The following FBXO25 variants were observed in gnomAD, a reference collection of about 807,000 sequenced individuals.
FBXO25 encodes the protein F-box protein 25.
In FBXO25, 45 loss-of-function variants were observed where a neutral mutation model predicts 51.9. The observed-to-expected ratio is 0.87, with a 90% CI of 0.68 to 1.11. The LOEUF (loss-of-function observed/expected upper bound fraction) is 1.11. Ranked by LOEUF, FBXO25 falls within the 50% of genes most tolerant of loss-of-function variation. The probability of loss-of-function intolerance (pLI) is 0.00; values close to 1 mark genes in which losing one functional copy is unlikely to be tolerated. For missense variants in FBXO25, 507 were observed against 428.5 expected, an observed-to-expected ratio of 1.18 and a Z score of -1.62; for synonymous variants, 199 against 151.0, an observed-to-expected ratio of 1.32 and a Z score of -2.33.
chr8:466,906 A>G (rs1170961835), intron 9 of FBXO25, among the ~76,000 whole-genome samples: 1 of 152,152 alleles, frequency 6.6e-6, no homozygotes, highest in Non-Finnish European at 1.5e-5. Flanking sequence ...ACAAAACCTC[A>G]GTTAAAAACT....
At chr8:467,926 A>G in intron 9 of FBXO25, 1 of 1,448,788 alleles carries the variant, frequency 6.9e-7, no homozygotes, top group South Asian at 1.4e-5. Context: ...AGCAAGGACG[A>G]GAGTGTTGAT....
intron 8 of FBXO25, among the ~76,000 whole-genome samples, chr8:459,940 C>G (rs1198554532): frequency 1.3e-5 from 2 of 152,086 alleles, no homozygotes; most frequent in Admixed American, 1.3e-4. Flanking sequence ...GGAAAACTCT[C>G]TCAAGTGGAC....
chr8:409,646 CA>C (rs60849509), intron 1 of FBXO25, among the ~76,000 whole-genome samples: 3,334 of 152,230 alleles, frequency 0.022, 70 homozygotes, highest in East Asian at 0.11. Flanking sequence ...TGTGTGTCAT[CA>C]AGTTTTAAAA....
intron 1 of FBXO25, 62 bp from the exon 2 acceptor site, chr8:413,005 ATGTTCT>A: frequency 8.8e-7 from 1 of 1,130,472 alleles, no homozygotes. Context: ...AAATTAATAA[ATGTTCT>A]AAGTGAAAAG....
intron 2 of FBXO25, among the ~76,000 whole-genome samples, chr8:416,272 C>T (rs1376290474): frequency 2.0e-5 from 3 of 152,196 alleles, no homozygotes; most frequent in East Asian, 1.9e-4. Context: ...CTCTGATGTT[C>T]GGCTCCCTAC....
intron 9 of FBXO25, 56 bp from the exon 10 acceptor site, chr8:468,659 A>G: frequency 2.9e-6 from 4 of 1,374,174 alleles, no homozygotes; most frequent in Non-Finnish European, 3.1e-6. Flanking sequence ...AAGCACCATC[A>G]CTAGAGTGTG....
intron 2 of FBXO25, among the ~76,000 whole-genome samples, chr8:417,989 C>A (rs938464568): frequency 6.6e-6 from 1 of 152,062 alleles, no homozygotes; most frequent in African/African-American, 2.4e-5. Flanking sequence ...AATTTTGTAC[C>A]AGTTTATACT....
At chr8:410,173 C>A (rs1270884032) in intron 1 of FBXO25, among the ~76,000 whole-genome samples, 3 of 152,170 alleles carry the variant, frequency 2.0e-5, no homozygotes, top group Non-Finnish European at 4.4e-5. Context: ...CCACAAGTTA[C>A]AAGATTGTGG....
At chr8:431,877 A>G (rs1797838809) in intron 3 of FBXO25, among the ~76,000 whole-genome samples, 2 of 152,200 alleles carry the variant, frequency 1.3e-5, no homozygotes, top group African/African-American at 2.4e-5. Context: ...ATAGAGCTCT[A>G]TCATGCAGCA....
intron 2 of FBXO25, among the ~76,000 whole-genome samples, chr8:417,060 G>C (rs560496494): frequency 6.6e-6 from 1 of 152,188 alleles, no homozygotes; most frequent in East Asian, 1.9e-4. Context: ...AAGTGCAAAG[G>C]CCTCAAGGCA....
chr8:410,161 TACC>T lies in FBXO25; in HGVS notation c.-7-2909_-7-2907del, dbSNP rs552854369. Among the ~76,000 whole-genome samples the T allele has an allele frequency of 1.2e-4, 19 of 152,314 alleles. 1 individual carries two copies. The South Asian group carries it at 3.5e-3, about 28-fold the overall frequency. On this transcript the variant is annotated intron_variant, in intron 1 of 9. Transcript: ENST00000350302. ...GCTCAAATTAACTTTATTCTCTCTT[TACC>T]ACAAGTTACAAGATTGTGGACATAT...
chr8:449,696 C>G (rs973735109), intron 5 of FBXO25, among the ~76,000 whole-genome samples: 9 of 152,202 alleles, frequency 5.9e-5, no homozygotes, highest in Non-Finnish European at 1.3e-4. Flanking sequence ...AGCTCCATTT[C>G]AGACTCTTGC....
intron 7 of FBXO25, among the ~76,000 whole-genome samples, chr8:454,684 G>C (rs561584739): frequency 6.6e-6 from 1 of 152,260 alleles, no homozygotes; most frequent in South Asian, 2.1e-4. Flanking sequence ...AAGGTCAAGA[G>C]ATAGAGACCA....
intron 4 of FBXO25, 28 bp from the exon 5 acceptor site, chr8:435,587 A>C: frequency 1.3e-6 from 2 of 1,593,196 alleles, no homozygotes; most frequent in Non-Finnish European, 1.7e-6. Flanking sequence ...CTAATTGACT[A>C]ATTTTAACTT....
chr8:422,394 G>T (rs1422337412), intron 2 of FBXO25, among the ~76,000 whole-genome samples: 1 of 152,230 alleles, frequency 6.6e-6, no homozygotes, highest in Non-Finnish European at 1.5e-5. Flanking sequence ...TCTTCAAGGT[G>T]ATGAGAGGAG....
At chr8:455,030 C>G (rs1004997065) in intron 7 of FBXO25, among the ~76,000 whole-genome samples, 2 of 152,174 alleles carry the variant, frequency 1.3e-5, no homozygotes, top group African/African-American at 2.4e-5. Flanking sequence ...CTATGACTGA[C>G]TTCAAGCCAC....
intron 9 of FBXO25, among the ~76,000 whole-genome samples, chr8:465,530 A>G (rs1023106778): frequency 6.6e-6 from 1 of 152,230 alleles, no homozygotes; most frequent in African/African-American, 2.4e-5. Context: ...AGCAACTAAC[A>G]AAGAAATACA....
chr8:456,122 A>G (rs747424261), intron 7 of FBXO25, among the ~76,000 whole-genome samples: 8 of 152,272 alleles, frequency 5.3e-5, no homozygotes, highest in Non-Finnish European at 8.8e-5. Context: ...AGTAGGAATT[A>G]GAATGAAGCA....
At chr8:458,029 A>G (rs10089278) in intron 7 of FBXO25, among the ~76,000 whole-genome samples, 20,055 of 152,198 alleles carry the variant, frequency 0.13, 1,392 homozygotes, top group South Asian at 0.18. Context: ...GCAGCGCCAC[A>G]TCCACAGACG....
Sources: allele counts gnomAD v4.1 joint callset (sites outside exome capture counted in the v4.1 genomes callset), GRCh38; gene constraint gnomAD v4.1.1; transcripts MANE v1.5; gene names NCBI Gene and HGNC (gene_info 2026-07-23, HGNC 2026-07-21).